Variants in INF2 observed in about 807,000 individuals in gnomAD.
INF2 encodes inverted formin 2.
A neutral mutation model predicts 123.5 loss-of-function variants in INF2; 43 were observed. The observed-to-expected ratio is 0.35, with a 90% CI of 0.27 to 0.45. INF2 has a LOEUF of 0.45. INF2 is among the 20% of genes least tolerant of loss of function. The pLI is 1.00. For missense variants in INF2, 1,453 were observed against 1,682.7 expected, an observed-to-expected ratio of 0.86 and a Z score of 2.39; for synonymous variants, 851 against 745.0, an observed-to-expected ratio of 1.14 and a Z score of -2.32.
chr14:104,693,492 G>C (rs1889051150), intron 1 of INF2, among the ~76,000 whole-genome samples: 1 of 152,206 alleles, frequency 6.6e-6, no homozygotes, highest in Non-Finnish European at 1.5e-5. Flanking sequence ...GGGCACAGTT[G>C]AGGAGGGAGG....
rs947470827 is a variant in INF2 at position 104,699,360 on chromosome 14, C to T, written c.-9-1997C>T. 4 of 982,574 alleles carry T rather than the reference C, an allele frequency of 4.1e-6. No individual in the cohort carries two copies. In the African/African-American group the frequency reaches 7.0e-5, roughly 17 times the overall value. 60.9% of individuals were successfully genotyped at this position (982,574 alleles called of 1,614,324 possible). A position where few individuals can be genotyped will look rare whatever the true frequency, so the allele number is the denominator to read the frequency against. ...GTTCTGGGGCCTCTTTAGGCAGCAA[C>T]AGCCAAGGCGGGTGGGAATATATGC... On this transcript the variant is annotated intron_variant, in intron 1 of 22. Coordinates refer to ENST00000392634, the MANE Select transcript of INF2 (RefSeq NM_022489.4). The surrounding 1 kb of genome is among the most constrained non-coding windows in gnomAD (Gnocchi z 4.7).
intron 2 of INF2, 76 bp downstream of exon 2, chr14:104,701,832 G>A (rs1266199783): frequency 7.1e-7 from 1 of 1,401,034 alleles, no homozygotes; most frequent in Non-Finnish European, 9.4e-7. Flanking sequence ...AAAAGGCCCC[G>A]GGAGGCCTGG....
At chr14:104,718,618 A>G (rs1271740128) in intron 22 of INF2, among the ~76,000 whole-genome samples, 177 bp from the exon 23 acceptor site, 1 of 152,154 alleles carries the variant, frequency 6.6e-6, no homozygotes, top group African/African-American at 2.4e-5. Context: ...TTCCACCTAG[A>G]TAAGTTGTGC....
At position 104,684,022 on chromosome 14, in the gene INF2, A is replaced by G. The variant is rs764313632; in HGVS notation, c.-104+2440A>G. The G allele has an allele frequency of 8.8e-6, 4 of 455,704 alleles. No individual in the cohort carries two copies. Among genetic ancestry groups the G allele is most frequent in the Non-Finnish European group, 1.8e-5 (4 of 226,698 alleles). The allele number at this position is 455,704 out of a possible 1,614,324, so 28.2% of individuals were successfully genotyped here. ...CTCCCTCCAGCTCCTCAAATTCCCA[A>G]CACCAGGGTTGCAAGGCCCAGTGTC... is the stretch of plus-strand genomic sequence containing the variant. On this transcript the variant is annotated intron_variant, in intron 1 of 2. Transcript: ENST00000674723. This position sits in a 1 kb window ranked among gnomAD's most constrained non-coding sequence, Gnocchi z 5.0.
chr14:104,713,416 C>T, intron 19 of INF2, 29 bp from the exon 20 acceptor site: 1 of 1,601,914 alleles, frequency 6.2e-7, no homozygotes, highest in Non-Finnish European at 8.5e-7. Context: ...GGGTCCCATG[C>T]CGCTCTCTGA....
chr14:104,714,293 C>T lies in INF2; in HGVS notation c.3131C>T (p.Ser1044Phe). Residue 1044 changes from serine to phenylalanine, a missense_variant, in exon 21 of 23, where the codon TCC (serine) becomes TTC (phenylalanine). Physicochemically the swap from Ser to Phe is radical, Grantham distance 155 (BLOSUM62 -2). Coordinates refer to ENST00000392634, the MANE Select transcript of INF2 (RefSeq NM_022489.4). ...PGLDATTASE[S>F]RGWDLVDAVT... ...CTTGATGCTACAACAGCCAGCGAGT[C>T]CCGGGGCTGGGACCTTGTAGACGCC... 1.3e-6 allele frequency: 2 copies of T among 1,592,650 alleles called. No individual in the cohort carries two copies. The highest frequency in any genetic ancestry group is 1.7e-6 in the Non-Finnish European group (2 of 1,170,888).
chr14:104,707,043 C>A lies in INF2; in HGVS notation c.977C>A (p.Ala326Asp), dbSNP rs1271932437. ...CTCGTGAACCGGGCCGTGCTCCTGG[C>A]CAGCGATGGTGAGGGGGCGGGGCAG... ...ESLVNRAVLL[A>D]SDAQECTLEE... The change falls in exon 7 of 23, where the codon GCC becomes GAC. Residue 326 changes from alanine (A) to aspartate (D), a missense_variant. By Grantham distance (126) the Ala-to-Asp change is moderately radical. Coordinates refer to ENST00000392634, the MANE Select transcript of INF2 (RefSeq NM_022489.4). 6.3e-7 allele frequency: 1 copy of A among 1,580,018 alleles called. No homozygotes were observed. Among genetic ancestry groups the A allele is most frequent in the East Asian group, 2.3e-5 (1 of 43,954 alleles).
chr14:104,705,351 A>G (rs1889733889), intron 5 of INF2, among the ~76,000 whole-genome samples: 1 of 152,034 alleles, frequency 6.6e-6, no homozygotes, highest in Admixed American at 6.5e-5. Flanking sequence ...CAGGAGGTAG[A>G]AGTTGTAGTG....
rs79132383 is a variant in INF2, at chr14:104,684,513, A to G, written c.-104+2931A>G. 2,028 of 172,826 alleles carry G rather than the reference A, an allele frequency of 0.012. 15 individuals are homozygous for G. Among genetic ancestry groups the G allele is most frequent in the Non-Finnish European group, 0.019 (1,545 of 80,994 alleles). 10.7% of individuals were successfully genotyped at this position (172,826 alleles called of 1,614,324 possible). A position where few individuals can be genotyped will look rare whatever the true frequency, so the allele number is the denominator to read the frequency against. ...GACACAAAGGTTGACATTTACACGC[A>G]ATCCTAGAATGACGGCTCTATGGTG... On this transcript the variant is annotated intron_variant, in intron 1 of 2. Coordinates refer to the INF2 transcript ENST00000674723. The surrounding 1 kb of genome is among the most constrained non-coding windows in gnomAD (Gnocchi z 5.0).
At position 104,712,959 on chromosome 14, in the gene INF2, G is replaced by A. The variant is rs765766987; in HGVS notation, c.2742G>A (p.Lys914=). Residue 914 remains lysine, a synonymous_variant, in exon 18 of 23, where the codon AAG becomes AAA. Transcript: ENST00000392634. ...TGGAGGACACGTTCAGCACCATGAA[G>A]GCTTTCCGGGACCTTTTCCTCCGCG... ...LSLEDTFSTM[K]AFRDLFLRAL... is the part of the protein sequence containing the mutation. The A allele has an allele frequency of 5.0e-6, 8 of 1,612,670 alleles. No homozygotes were observed. In the Admixed American group the frequency reaches 1.3e-4, roughly 27 times the overall value.
intron 13 of INF2, 127 bp downstream of exon 13, chr14:104,710,315 C>A: frequency 1.5e-6 from 1 of 680,576 alleles, no homozygotes; most frequent in Non-Finnish European, 2.6e-6. Flanking sequence ...AGGGTGCCAG[C>A]CTTCACCACC....
chr14:104,681,645 G>C, intron 1 of INF2: 1 of 1,247,512 alleles, frequency 8.0e-7, no homozygotes, highest in Non-Finnish European at 1.1e-6. Flanking sequence ...AGACACGGGG[G>C]CGGAGAGGTG....
At position 104,689,738 on chromosome 14, in the gene INF2, G is replaced by A. The variant is rs1888845232; in HGVS notation, c.-11G>A. 2 of 985,044 alleles carry A rather than the reference G, an allele frequency of 2.0e-6. No individual in the cohort carries two copies. The highest frequency in any genetic ancestry group is 6.2e-5 in the Admixed American group (1 of 16,236). The allele number at this position is 985,044 out of a possible 1,614,324, so 61.0% of individuals were successfully genotyped here. A position where few individuals can be genotyped will look rare whatever the true frequency, so the allele number is the denominator to read the frequency against. ...ACCGCCCTCTGGCCGTTGCCTCACCGGGTAAGTCCTTGGCCTCGGGGTCCG... is the reference window on the plus strand; with the variant it reads ...ACCGCCCTCTGGCCGTTGCCTCACCAGGTAAGTCCTTGGCCTCGGGGTCCG... On this transcript the variant is annotated splice_region_variant and 5_prime_UTR_variant, in exon 1 of 23. Coordinates refer to ENST00000392634, the MANE Select transcript of INF2 (RefSeq NM_022489.4).
Position 104,719,062 on chromosome 14 carries a change from G to A in INF2, c.*269G>A, listed in dbSNP as rs1890450398. The A allele has an allele frequency of 2.9e-6, 2 of 699,772 alleles. No homozygotes were observed. Among genetic ancestry groups the A allele is most frequent in the Non-Finnish European group, 4.4e-6 (2 of 451,136 alleles). The allele number at this position is 699,772 out of a possible 1,614,324, so 43.3% of individuals were successfully genotyped here. ...CACCTGCTTCCTAAAGGCAACCCTGGCCCACACCCGCATGCGCCCGGTGCA... is the reference window on the plus strand; with the variant it reads ...CACCTGCTTCCTAAAGGCAACCCTGACCCACACCCGCATGCGCCCGGTGCA... On this transcript the variant is annotated 3_prime_UTR_variant, in exon 23 of 23. Transcript: ENST00000392634.
At position 104,712,995 on chromosome 14, in the gene INF2, G is replaced by A. The variant is rs1890122850; in HGVS notation, c.2775+3G>A. The A allele has an allele frequency of 2.5e-6, 4 of 1,612,236 alleles. No homozygotes were observed. In the African/African-American group the frequency reaches 4.0e-5, roughly 16 times the overall value. On this transcript the variant is annotated splice_donor_region_variant and intron_variant, in intron 18 of 22. Coordinates refer to ENST00000392634, the MANE Select transcript of INF2 (RefSeq NM_022489.4). ...ACCTTTTCCTCCGCGCCCTGAAGGT[G>A]GGGCAGCCCGGCGGGACACAGCCTG...
intron 1 of INF2, chr14:104,683,996 G>C (rs1888598648): frequency 2.2e-6 from 1 of 455,038 alleles, no homozygotes; most frequent in Non-Finnish European, 4.4e-6. Flanking sequence ...CCCATCTGGT[G>C]CTCCCTCCAG....
At position 104,710,069 on chromosome 14, in the gene INF2, C is replaced by T. The variant is rs759101768; in HGVS notation, c.2139-19C>T. ...GGTGGGGGGTGCAGGCCACTGATCC[C>T]TGTCTGTGCCATCCCCAGCTACCAG... On this transcript the variant is annotated intron_variant, in intron 12 of 22. Transcript: ENST00000392634. 2 of 1,540,914 alleles carry T rather than the reference C, an allele frequency of 1.3e-6. No homozygotes were observed. The highest frequency in any genetic ancestry group is 1.8e-6 in the Non-Finnish European group (2 of 1,139,564).
chr14:104,714,519 C>G lies in INF2; in HGVS notation c.3357C>G (p.Asn1119Lys). 1 of 1,612,810 alleles carries G rather than the reference C, an allele frequency of 6.2e-7. No homozygotes were observed. Among genetic ancestry groups the G allele is most frequent in the Non-Finnish European group, 8.5e-7 (1 of 1,179,886 alleles). Reference protein sequence around the residue: ...QALKPLKFSSNQPPAAGSSRQ... With the variant: ...QALKPLKFSSKQPPAAGSSRQ... Reference sequence around the variant, plus strand: ...TGAAGCCCCTCAAGTTCTCCAGCAACCAGCCCCCTGCAGCCGGAAGTTCAA... The same window carrying G: ...TGAAGCCCCTCAAGTTCTCCAGCAAGCAGCCCCCTGCAGCCGGAAGTTCAA... The change falls in exon 21 of 23, where the codon AAC becomes AAG. Residue 1119 changes from asparagine (N) to lysine (K), a missense_variant. Transcript: ENST00000392634.
rs1595170187 is a variant in INF2 at position 104,706,902 on chromosome 14, C to T, written c.844-8C>T. ...CTGCTGACCTGCACCCCACACTCGC[C>T]CGTCCAGGTGAGCTGCTCCCCGGTG... On this transcript the variant is annotated splice_polypyrimidine_tract_variant and splice_region_variant and intron_variant, in intron 6 of 22. Transcript: ENST00000392634. The T allele has an allele frequency of 6.2e-7, 1 of 1,603,584 alleles. No individual in the cohort carries two copies. Among genetic ancestry groups the T allele is most frequent in the Non-Finnish European group, 8.5e-7 (1 of 1,179,034 alleles).
Sources: allele counts gnomAD v4.1 joint callset (sites outside exome capture counted in the v4.1 genomes callset), GRCh38; gene constraint gnomAD v4.1.1; non-coding constraint Gnocchi (gnomAD v3.1); transcripts MANE v1.5; gene names NCBI Gene and HGNC (gene_info 2026-07-23, HGNC 2026-07-21).